The following PTK2 variants were observed in gnomAD, a reference collection of about 807,000 sequenced individuals.
PTK2 encodes the protein focal adhesion kinase 1.
In PTK2, 45 loss-of-function variants were observed where a neutral mutation model predicts 150.1. That is an observed-to-expected ratio of 0.30 (90% CI 0.24 to 0.38). PTK2 has a LOEUF of 0.38. Among genes scored for constraint, PTK2 ranks in the 10% least tolerant of loss-of-function variants. PTK2 has a pLI of 1.00. For missense variants in PTK2, 919 were observed against 1,307.3 expected (o/e 0.70, Z 4.58); for synonymous variants, 432 against 449.2 (o/e 0.96, Z 0.48).
chr8:140,685,779 C>A (rs1446265943), intron 27 of PTK2, among the ~76,000 whole-genome samples: 1 of 152,206 alleles, frequency 6.6e-6, no homozygotes, highest in Non-Finnish European at 1.5e-5. Context: ...ACTTAAGACA[C>A]TGCTGGTGGG....
chr8:140,665,201 C>A (rs942208264), intron 30 of PTK2, among the ~76,000 whole-genome samples: 1 of 152,064 alleles, frequency 6.6e-6, no homozygotes, highest in Admixed American at 6.5e-5. Flanking sequence ...TGCTCTAATA[C>A]CCTAAGGAGT....
intron 1 of PTK2, among the ~76,000 whole-genome samples, chr8:140,990,363 T>C (rs915156598): frequency 6.6e-6 from 1 of 152,002 alleles, no homozygotes; most frequent in African/African-American, 2.4e-5. Flanking sequence ...TCCTCCTGAA[T>C]AGCTGGGACT....
chr8:140,945,421 C>CA (rs1253650445), intron 1 of PTK2, among the ~76,000 whole-genome samples: 3 of 152,006 alleles, frequency 2.0e-5, no homozygotes, highest in East Asian at 1.9e-4. Context: ...CCTTCCTCCA[C>CA]AAAAAATTTT....
chr8:141,001,461 C>G (rs1407233352), upstream of PTK2: 2 of 152,166 alleles, frequency 1.3e-5, no homozygotes, highest in African/African-American at 2.4e-5. Context: ...CGTAATTTGT[C>G]CTGTAGTGAC....
chr8:140,762,443 C>A, intron 15 of PTK2, 55 bp from the exon 18 acceptor site: 1 of 955,346 alleles, frequency 1.0e-6, no homozygotes, highest in South Asian at 2.2e-5. Flanking sequence ...AAATAACTAA[C>A]AGCAATTAGG....
chr8:140,786,255 A>T (rs1240850073), intron 14 of PTK2, among the ~76,000 whole-genome samples: 1 of 152,168 alleles, frequency 6.6e-6, no homozygotes, highest in African/African-American at 2.4e-5. Flanking sequence ...CTGCAGCCTC[A>T]CCCCACTATC....
At chr8:140,770,899 G>T in intron 14 of PTK2, 100 bp from the exon 15 acceptor site, 1 of 385,614 alleles carries the variant, frequency 2.6e-6, no homozygotes, top group Non-Finnish European at 4.0e-6. Context: ...TATAAAAACA[G>T]ATACAAAATT....
chr8:140,966,068 G>A (rs748842557), intron 1 of PTK2, among the ~76,000 whole-genome samples: 2 of 152,100 alleles, frequency 1.3e-5, no homozygotes, highest in Non-Finnish European at 2.9e-5. Context: ...TATTAGGAGT[G>A]TAAACCTAAA....
intron 2 of PTK2, among the ~76,000 whole-genome samples, chr8:140,900,166 T>C (rs986721124): frequency 1.5e-4 from 23 of 152,184 alleles, no homozygotes; most frequent in Admixed American, 1.2e-3. Flanking sequence ...ATTAGTTTCG[T>C]TGACAGATGA....
At chr8:140,746,362 C>CA (rs1232391362) in intron 18 of PTK2, 1 of 155,116 alleles carries the variant, frequency 6.4e-6, no homozygotes, top group Non-Finnish European at 1.4e-5. Context: ...AGTGAATTCC[C>CA]AAAAAGATAA....
chr8:140,929,757 CTTT>C (rs35397973), intron 1 of PTK2, among the ~76,000 whole-genome samples: 17 of 148,800 alleles, frequency 1.1e-4, no homozygotes, highest in Non-Finnish European at 2.2e-4. Context: ...GACCCTGGCA[CTTT>C]TTTTTTTTAA....
intron 1 of PTK2, among the ~76,000 whole-genome samples, chr8:140,938,972 A>G (rs1040618960): frequency 2.8e-5 from 4 of 144,306 alleles, no homozygotes; most frequent in Admixed American, 7.1e-5. Context: ...GTAAGACCCC[A>G]TTCTCAGTAT....
intron 29 of PTK2, chr8:140,669,301 G>GTATGTGTATATATATATA (rs547959878): frequency 8.2e-5 from 8 of 97,992 alleles, no homozygotes; most frequent in African/African-American, 3.7e-4. Context: ...GCATAAAATG[G>GTATGTGTATATATATATA]TATATATATA....
intron 5 of PTK2, among the ~76,000 whole-genome samples, chr8:140,852,027 GCTTT>G (rs1170879101): frequency 6.6e-6 from 1 of 152,066 alleles, no homozygotes; most frequent in Non-Finnish European, 1.5e-5. Flanking sequence ...TCAAAAATTT[GCTTT>G]ATTTCTTGGA....
intron 1 of PTK2, chr8:140,954,750 A>C (rs2100180670): frequency 6.6e-6 from 1 of 152,202 alleles, no homozygotes. Context: ...CACAGTTCAG[A>C]AGCCCACAAT....
intron 7 of PTK2, among the ~76,000 whole-genome samples, chr8:140,840,708 C>G (rs2100121836): frequency 6.6e-6 from 1 of 152,152 alleles, no homozygotes; most frequent in Admixed American, 6.5e-5. Flanking sequence ...CACTCACACA[C>G]AGCTTATTTC....
At chr8:140,962,219 TA>T (rs60163670) in intron 1 of PTK2, among the ~76,000 whole-genome samples, 189 of 93,634 alleles carry the variant, frequency 2.0e-3, no homozygotes, top group African/African-American at 4.5e-3. Flanking sequence ...TCTCAAAATT[TA>T]AAAAAAAAAA....
At chr8:140,850,654 C>T (rs558167740) in intron 5 of PTK2, among the ~76,000 whole-genome samples, 4 of 151,892 alleles carry the variant, frequency 2.6e-5, no homozygotes, top group South Asian at 4.2e-4. Context: ...GGCGTGAACG[C>T]GGGAGGCGGA....
chr8:140,920,320 C>A (rs1002545072), intron 2 of PTK2, among the ~76,000 whole-genome samples: 2 of 151,974 alleles, frequency 1.3e-5, no homozygotes, highest in African/African-American at 2.4e-5. Flanking sequence ...ACCCTAACAA[C>A]ATTAAAGAAG....
Sources: gnomAD v4.1 joint callset for allele counts (sites outside exome capture counted in the v4.1 genomes callset) on GRCh38, gnomAD v4.1.1 for gene constraint, MANE v1.5 for transcripts, NCBI Gene and HGNC (gene_info 2026-07-23, HGNC 2026-07-21) for gene names.